The following CDKAL1 variants were observed in gnomAD, a reference collection of about 807,000 sequenced individuals.
CDKAL1 encodes CDKAL1 threonylcarbamoyladenosine tRNA methylthiotransferase, also known as threonylcarbamoyladenosine tRNA methylthiotransferase.
Under a neutral mutation model 68.2 loss-of-function variants are expected in CDKAL1, and 32 were observed. The observed-to-expected ratio is 0.47, with a 90% CI of 0.35 to 0.63. The LOEUF (loss-of-function observed/expected upper bound fraction) is 0.63. Among genes scored for constraint, CDKAL1 ranks in the 30% least tolerant of loss-of-function variants. CDKAL1 has a pLI of 0.00. For missense variants in CDKAL1, 606 were observed against 696.7 expected (o/e 0.87, Z 1.47); for synonymous variants, 234 against 244.3 (o/e 0.96, Z 0.39).
At chr6:20,843,990 A>C (rs1336663105) in intron 8 of CDKAL1, among the ~76,000 whole-genome samples, 5 of 152,162 alleles carry the variant, frequency 3.3e-5, no homozygotes, top group African/African-American at 1.2e-4. Context: ...GGAAAAAAAA[A>C]CAGAGAGAAC....
chr6:21,185,419 T>A (rs767696681), intron 13 of CDKAL1, among the ~76,000 whole-genome samples: 4 of 152,222 alleles, frequency 2.6e-5, no homozygotes, highest in Non-Finnish European at 5.9e-5. Context: ...TCTTTGTTAG[T>A]AATCACCCTG....
chr6:20,564,875 T>G (rs1764395307), intron 4 of CDKAL1, among the ~76,000 whole-genome samples: 1 of 152,186 alleles, frequency 6.6e-6, no homozygotes, highest in Non-Finnish European at 1.5e-5. Flanking sequence ...TGCTTGAATT[T>G]CCTACTCACA....
intron 10 of CDKAL1, among the ~76,000 whole-genome samples, chr6:20,978,789 T>G (rs1765966898): frequency 6.6e-6 from 1 of 152,180 alleles, no homozygotes; most frequent in African/African-American, 2.4e-5. Context: ...GTAACAAGAA[T>G]GGTAAAATGA....
At chr6:20,797,725 G>A (rs954479171) in intron 8 of CDKAL1, among the ~76,000 whole-genome samples, 4 of 151,384 alleles carry the variant, frequency 2.6e-5, no homozygotes, top group Admixed American at 2.6e-4. Context: ...AGTGAAATAA[G>A]CCAATCACTA....
intron 13 of CDKAL1, among the ~76,000 whole-genome samples, chr6:21,119,461 T>C (rs1165013613): frequency 6.6e-6 from 1 of 152,216 alleles, no homozygotes; most frequent in Non-Finnish European, 1.5e-5. Context: ...TTGTTCAATG[T>C]TTCCTCAACA....
At chr6:20,627,303 C>T (rs2127738538) in intron 4 of CDKAL1, among the ~76,000 whole-genome samples, 1 of 152,204 alleles carries the variant, frequency 6.6e-6, no homozygotes, top group Non-Finnish European at 1.5e-5. Context: ...TAAATCTTTT[C>T]CTTTAGAAAA....
At chr6:20,668,144 G>A (rs1769641141) in intron 5 of CDKAL1, among the ~76,000 whole-genome samples, 1 of 151,196 alleles carries the variant, frequency 6.6e-6, no homozygotes, top group African/African-American at 2.4e-5. Flanking sequence ...AATTCCATAT[G>A]GATATATACA....
At chr6:20,974,017 G>A (rs1023960287) in intron 10 of CDKAL1, among the ~76,000 whole-genome samples, 4 of 152,222 alleles carry the variant, frequency 2.6e-5, no homozygotes, top group East Asian at 3.8e-4. Flanking sequence ...TAGGGAAAAC[G>A]TGAAGAGGAT....
At chr6:21,219,582 C>A (rs531121090) in intron 15 of CDKAL1, among the ~76,000 whole-genome samples, 1 of 152,316 alleles carries the variant, frequency 6.6e-6, no homozygotes, top group East Asian at 1.9e-4. Context: ...ATATTAGCTT[C>A]TCATTTATGA....
chr6:20,565,355 G>T (rs548937576), intron 4 of CDKAL1, among the ~76,000 whole-genome samples: 13 of 152,124 alleles, frequency 8.5e-5, no homozygotes, highest in African/African-American at 2.6e-4. Flanking sequence ...GTATGTTTCA[G>T]TTTTTATTTC....
intron 5 of CDKAL1, among the ~76,000 whole-genome samples, chr6:20,663,992 A>G (rs1321225336): frequency 6.6e-6 from 1 of 152,150 alleles, no homozygotes; most frequent in Non-Finnish European, 1.5e-5. Context: ...GGAGAATTTG[A>G]TATAACCAGT....
At chr6:21,207,966 C>T (rs1253362664) in intron 15 of CDKAL1, among the ~76,000 whole-genome samples, 1 of 151,964 alleles carries the variant, frequency 6.6e-6, no homozygotes, top group Non-Finnish European at 1.5e-5. Flanking sequence ...AATACTACTA[C>T]AGCGTTGGCC....
At chr6:21,210,789 T>G (rs956685286) in intron 15 of CDKAL1, among the ~76,000 whole-genome samples, 1 of 152,000 alleles carries the variant, frequency 6.6e-6, no homozygotes, top group Non-Finnish European at 1.5e-5. Flanking sequence ...CAGGAAGGAA[T>G]GTATGAAAGG....
intron 8 of CDKAL1, among the ~76,000 whole-genome samples, chr6:20,785,234 A>C (rs1775617420): frequency 6.6e-6 from 1 of 152,060 alleles, no homozygotes; most frequent in Admixed American, 6.5e-5. Flanking sequence ...CAGCCTTATC[A>C]CTTGCTCTCA....
chr6:21,136,663 G>A (rs955919072), intron 13 of CDKAL1, among the ~76,000 whole-genome samples: 1 of 152,032 alleles, frequency 6.6e-6, no homozygotes, highest in East Asian at 1.9e-4. Context: ...CTAAAAATGT[G>A]TACTTTTTTT....
chr6:21,130,527 G>T (rs181868746), intron 13 of CDKAL1, among the ~76,000 whole-genome samples: 1 of 152,076 alleles, frequency 6.6e-6, no homozygotes, highest in African/African-American at 2.4e-5. Flanking sequence ...GCCTGGCCTG[G>T]ACCTAACATT....
chr6:20,650,348 T>C (rs1313139356), intron 5 of CDKAL1, among the ~76,000 whole-genome samples: 1 of 152,212 alleles, frequency 6.6e-6, no homozygotes, highest in African/African-American at 2.4e-5. Context: ...GTTTTTTTGC[T>C]GCATAAATGT....
intron 10 of CDKAL1, among the ~76,000 whole-genome samples, chr6:20,969,333 A>G (rs895011356): frequency 3.9e-5 from 6 of 152,196 alleles, no homozygotes; most frequent in Non-Finnish European, 7.3e-5. Context: ...TATTAAGAAA[A>G]TCATAAGAAG....
chr6:20,593,256 C>T (rs1174986613), intron 4 of CDKAL1, among the ~76,000 whole-genome samples: 1 of 152,154 alleles, frequency 6.6e-6, no homozygotes, highest in East Asian at 1.9e-4. Flanking sequence ...ACCAGCTCCT[C>T]TTTGTACCTC....
Sources: gnomAD v4.1 joint callset for allele counts (sites outside exome capture counted in the v4.1 genomes callset) on GRCh38, gnomAD v4.1.1 for gene constraint, MANE v1.5 for transcripts, NCBI Gene and HGNC (gene_info 2026-07-23, HGNC 2026-07-21) for gene names.